The following TNRC6A variants were observed in gnomAD, a reference collection of about 807,000 sequenced individuals.
TNRC6A encodes trinucleotide repeat-containing gene 6A protein.
In TNRC6A, 44 loss-of-function variants were observed where a neutral mutation model predicts 221.2. The observed-to-expected ratio is 0.20, with a 90% CI of 0.16 to 0.26. The LOEUF (loss-of-function observed/expected upper bound fraction) is 0.26. Among genes scored for constraint, TNRC6A ranks in the 10% least tolerant of loss-of-function variants. The pLI, the probability that TNRC6A is intolerant of heterozygous loss-of-function variation, is 1.00. For synonymous variants in TNRC6A, 847 were observed against 838.5 expected, an observed-to-expected ratio of 1.01 and a Z score of -0.18; for missense variants, 2,199 against 2,404.4, an observed-to-expected ratio of 0.91 and a Z score of 1.79.
At chr16:24,791,859 C>A (rs1295764864) in intron 6 of TNRC6A, 42 bp downstream of exon 6, 1 of 1,452,926 alleles carries the variant, frequency 6.9e-7, no homozygotes, top group East Asian at 2.6e-5. Flanking sequence ...TTTTAACTTA[C>A]TGTTATTATA....
At chr16:24,633,539 C>T (rs1409689063) in intron 1 of TNRC6A, among the ~76,000 whole-genome samples, 1 of 152,006 alleles carries the variant, frequency 6.6e-6, no homozygotes, top group East Asian at 1.9e-4. Flanking sequence ...GGATTACAGG[C>T]GTGTGCCACC....
chr16:24,611,290 TA>T lies in TNRC6A; in HGVS notation n.276+814del, dbSNP rs58749067. The stretch of plus-strand genomic sequence containing the variant: ...ACTTGGTGATTGGAAATGTACCTTC[TA>T]AAAAAAATTCTTTTTTCACTAAGAC... On this transcript the variant is annotated intron_variant and non_coding_transcript_variant, in intron 1 of 2. Transcript: ENST00000566108. Among the ~76,000 whole-genome samples, 491 of 152,220 alleles carry T rather than the reference TA, an allele frequency of 3.2e-3. 1 individual carries two copies. Among genetic ancestry groups the T allele is most frequent in the African/African-American group, 0.011 (461 of 41,546 alleles).
intron 21 of TNRC6A, 52 bp from the exon 22 acceptor site, chr16:24,820,087 T>G (rs754752319): frequency 6.0e-6 from 9 of 1,511,774 alleles, no homozygotes; most frequent in Non-Finnish European, 8.2e-6. Context: ...TTAAATTTCC[T>G]CCTTTCTTAA....
At chr16:24,746,287 G>A (rs2057008778) in intron 2 of TNRC6A, among the ~76,000 whole-genome samples, 1 of 152,164 alleles carries the variant, frequency 6.6e-6, no homozygotes, top group Non-Finnish European at 1.5e-5. Context: ...CTAGCTGAGT[G>A]CAGTGGCTCA....
At chr16:24,732,680 TC>T (rs1231988385) in intron 2 of TNRC6A, among the ~76,000 whole-genome samples, 1 of 152,234 alleles carries the variant, frequency 6.6e-6, no homozygotes, top group Non-Finnish European at 1.5e-5. Flanking sequence ...AGTTTTTTCA[TC>T]TGGGCACTTG....
intron 2 of TNRC6A, among the ~76,000 whole-genome samples, chr16:24,701,941 C>G (rs2055985927): frequency 6.6e-6 from 1 of 151,912 alleles, no homozygotes; most frequent in African/African-American, 2.4e-5. Flanking sequence ...ACATCTCACA[C>G]TCCTATAAAG....
chr16:24,791,016 T>C lies in TNRC6A; in HGVS notation c.2374T>C (p.Trp792Arg). 1.9e-6 allele frequency: 3 copies of C among 1,591,266 alleles called. No homozygotes were observed. The highest frequency in any genetic ancestry group is 2.6e-6 in the Non-Finnish European group (3 of 1,168,736). The change falls in exon 6 of 25, where the codon TGG becomes CGG. Residue 792 changes from tryptophan (W) to arginine (R), a missense_variant. By Grantham distance (101) the Trp-to-Arg change is moderately radical. This residue lies in a region of TNRC6A where 1,405 missense variants were observed against 1,400.2 expected (regional missense o/e 1.00). Transcript: ENST00000395799. The stretch of plus-strand genomic sequence containing the variant: ...GGGCGATCCCAAACCTGCTCTGAGG[T>C]GGGGAGATTCCAAAGGCTCAAACTG... ...GWGDPKPALRWGDSKGSNCQG... is the reference protein window; with the variant it reads ...GWGDPKPALRRGDSKGSNCQG...
At chr16:24,695,584 G>C (rs979720861) in intron 2 of TNRC6A, among the ~76,000 whole-genome samples, 8 of 152,004 alleles carry the variant, frequency 5.3e-5, no homozygotes, top group African/African-American at 1.9e-4. Flanking sequence ...GTTTTTAGTA[G>C]AGACGGGGTT....
intron 2 of TNRC6A, among the ~76,000 whole-genome samples, chr16:24,644,975 A>G (rs1441631973): frequency 6.6e-6 from 1 of 152,220 alleles, no homozygotes; most frequent in African/African-American, 2.4e-5. Flanking sequence ...AATCTTTGAC[A>G]TCCAGGGTGT....
intron 3 of TNRC6A, among the ~76,000 whole-genome samples, chr16:24,757,518 A>G (rs1383959576): frequency 2.6e-5 from 4 of 152,148 alleles, no homozygotes; most frequent in Admixed American, 6.5e-5. Context: ...CAGGATTCCC[A>G]TAATATTGAT....
intron 16 of TNRC6A, 44 bp from the exon 17 acceptor site, chr16:24,806,530 C>T (rs772358034): frequency 3.3e-5 from 53 of 1,603,612 alleles, no homozygotes; most frequent in Non-Finnish European, 4.4e-5. Context: ...TCTGTAAAGA[C>T]GTTTTCCCCC....
chr16:24,789,203 T>G (rs1296202004), intron 5 of TNRC6A, 29 bp from the exon 6 acceptor site: 1 of 1,533,138 alleles, frequency 6.5e-7, no homozygotes. Context: ...TAACACTTTA[T>G]AAATAGTTGT....
chr16:24,740,401 A>G (rs1259925385), intron 2 of TNRC6A, among the ~76,000 whole-genome samples: 2 of 152,300 alleles, frequency 1.3e-5, no homozygotes, highest in East Asian at 3.9e-4. Context: ...TGTGGACAGT[A>G]TTGCATTTTA....
chr16:24,617,938 T>A (rs191360175), intron 1 of TNRC6A, among the ~76,000 whole-genome samples: 1 of 152,182 alleles, frequency 6.6e-6, no homozygotes, highest in South Asian at 2.1e-4. Flanking sequence ...TCTCACTCTA[T>A]CGCCCAGGCT....
At chr16:24,726,204 A>G (rs2056488970), upstream of TNRC6A, among the ~76,000 whole-genome samples, 1 of 152,134 alleles carries the variant, frequency 6.6e-6, no homozygotes, top group Admixed American at 6.6e-5. Context: ...AGTAATCTGC[A>G]TTCAGAGAGT....
At chr16:24,811,440 C>T (rs1270288139) in intron 18 of TNRC6A, among the ~76,000 whole-genome samples, 1 of 152,008 alleles carries the variant, frequency 6.6e-6, no homozygotes, top group Non-Finnish European at 1.5e-5. Context: ...TTATTTTAGC[C>T]TTGGTTGGAG....
chr16:24,643,933 G>A (rs995970431), intron 2 of TNRC6A, among the ~76,000 whole-genome samples: 1 of 152,098 alleles, frequency 6.6e-6, no homozygotes, highest in South Asian at 2.1e-4. Flanking sequence ...TGGATGATGA[G>A]ATGAGAGGGG....
At chr16:24,624,383 CA>C (rs1457668899) in intron 1 of TNRC6A, among the ~76,000 whole-genome samples, 1 of 152,196 alleles carries the variant, frequency 6.6e-6, no homozygotes, top group African/African-American at 2.4e-5. Context: ...GAAGGAGGGC[CA>C]TTTTTGTCAT....
intron 22 of TNRC6A, among the ~76,000 whole-genome samples, chr16:24,821,332 G>A (rs554274240): frequency 2.8e-4 from 42 of 152,326 alleles, no homozygotes; most frequent in Non-Finnish European, 4.3e-4. Flanking sequence ...TGGTGCAGTT[G>A]AGTGGAATTA....
Sources: allele counts gnomAD v4.1 joint callset (sites outside exome capture counted in the v4.1 genomes callset), GRCh38; gene constraint gnomAD v4.1.1; regional missense constraint gnomAD v4.1.1; transcripts MANE v1.5; gene names NCBI Gene and HGNC (gene_info 2026-07-23, HGNC 2026-07-21).